SLC36A4: variants seen among roughly 807,000 people sequenced by gnomAD.
The protein encoded by SLC36A4 is neutral amino acid uniporter 4.
In SLC36A4, 49 loss-of-function variants were observed where a neutral mutation model predicts 50.5. The observed-to-expected ratio is 0.97, with a 90% CI of 0.77 to 1.23. SLC36A4 has a LOEUF of 1.23. Among genes scored for constraint, SLC36A4 ranks in the 50% most tolerant of loss-of-function variants. SLC36A4 has a pLI of 0.00. For synonymous variants in SLC36A4, 207 were observed against 206.5 expected (o/e 1.00, Z -0.02); for missense variants, 611 against 608.4 (o/e 1.00, Z -0.05).
chr11:93,188,935 T>G (rs1251518732), intron 1 of SLC36A4, among the ~76,000 whole-genome samples: 2 of 152,126 alleles, frequency 1.3e-5, no homozygotes, highest in African/African-American at 4.8e-5. Context: ...CTCTCCTTGG[T>G]TTATGGACAG....
chr11:93,180,796 C>T lies in SLC36A4; in HGVS notation c.540+1G>A, dbSNP rs762713553. On this transcript the variant is annotated splice_donor_variant, in intron 6 of 10. Coordinates refer to ENST00000326402, the MANE Select transcript of SLC36A4 (RefSeq NM_152313.4). LOFTEE classifies it high-confidence loss of function. Reference sequence around the variant, plus strand: ...TTCACTAACTGGAGAAAAATACTCACTTGTTTCACATTTTCAGCTAAGAAG... The same window carrying T: ...TTCACTAACTGGAGAAAAATACTCATTTGTTTCACATTTTCAGCTAAGAAG... 4.2e-5 allele frequency: 68 copies of T among 1,606,744 alleles called. No individual in the cohort carries two copies. Among genetic ancestry groups the T allele is most frequent in the Non-Finnish European group, 5.5e-5 (64 of 1,174,148 alleles).
chr11:93,160,055 A>G, intron 9 of SLC36A4: 1 of 985,384 alleles, frequency 1.0e-6, no homozygotes, highest in Non-Finnish European at 1.2e-6. Flanking sequence ...AGACTCGTAT[A>G]TAGTATATTA....
chr11:93,158,940 TC>T (rs1221868696), intron 9 of SLC36A4, among the ~76,000 whole-genome samples: 1 of 152,094 alleles, frequency 6.6e-6, no homozygotes, highest in Non-Finnish European at 1.5e-5. Context: ...CATTAAAAGG[TC>T]TTTTAAAACT....
chr11:93,162,117 G>A (rs1364283643), intron 9 of SLC36A4, among the ~76,000 whole-genome samples: 1 of 152,100 alleles, frequency 6.6e-6, no homozygotes, highest in African/African-American at 2.4e-5. Flanking sequence ...ATAAGGACAA[G>A]TATTAATTTT....
intron 1 of SLC36A4, 59 bp from the exon 2 acceptor site, chr11:93,185,873 T>C: frequency 2.1e-6 from 3 of 1,445,986 alleles, no homozygotes; most frequent in Admixed American, 2.5e-5. Flanking sequence ...ATAAAGCTGG[T>C]ATAAATGAAT....
At chr11:93,176,183 A>T (rs1590965617) in intron 6 of SLC36A4, among the ~76,000 whole-genome samples, 1 of 152,136 alleles carries the variant, frequency 6.6e-6, no homozygotes, top group African/African-American at 2.4e-5. Context: ...TGTTGAATTG[A>T]TCCATTTACC....
chr11:93,145,556 G>C lies in SLC36A4; in HGVS notation c.*2981C>G, dbSNP rs1352245626. ...ACTCTGATACTGATGAAACTCTTGG[G>C]TGTAAGGGAACAGTGATTAACTGAC... On this transcript the variant is annotated 3_prime_UTR_variant, in exon 11 of 11. Transcript: ENST00000326402. 3 of 152,102 alleles carry C rather than the reference G, an allele frequency of 2.0e-5. No individual in the cohort carries two copies. Among genetic ancestry groups the C allele is most frequent in the African/African-American group, 7.2e-5 (3 of 41,444 alleles). 9.4% of individuals were successfully genotyped at this position (152,102 alleles called of 1,614,324 possible). A position where few individuals can be genotyped will look rare whatever the true frequency, so the allele number is the denominator to read the frequency against.
chr11:93,185,907 T>C (rs1861965947), intron 1 of SLC36A4, 93 bp from the exon 2 acceptor site: 3 of 1,124,522 alleles, frequency 2.7e-6, no homozygotes, highest in Admixed American at 3.0e-5. Context: ...GAAACACCAT[T>C]TGTACTCATC....
chr11:93,181,196 G>C (rs1861718869), intron 5 of SLC36A4, among the ~76,000 whole-genome samples: 1 of 151,836 alleles, frequency 6.6e-6, no homozygotes, highest in Non-Finnish European at 1.5e-5. Context: ...ATCTTACTTT[G>C]ATTTGCCAGA....
In SLC36A4 at chr11:93,197,816, G is replaced by A; in HGVS notation, c.17C>T (p.Thr6Met). 1 of 1,578,780 alleles carries A rather than the reference G, an allele frequency of 6.3e-7. No individual in the cohort carries two copies. The highest frequency in any genetic ancestry group is 1.8e-4 in the Middle Eastern group (1 of 5,632). The change falls in exon 1 of 11, where the codon ACG (threonine) becomes ATG (methionine). Residue 6 changes from threonine to methionine, a missense_variant. Coordinates refer to ENST00000326402, the MANE Select transcript of SLC36A4 (RefSeq NM_152313.4). The stretch of plus-strand genomic sequence containing the variant: ...CCTCGCCGCCCCGGCAGCCGCCGGC[G>A]TCGCCGCCGCTTCCATCTCTCGCGG... Reference protein sequence around the residue: MEAAATPAAAGAARRE... With the variant: MEAAAMPAAAGAARRE...
At chr11:93,149,922 T>C (rs1860001271) in intron 10 of SLC36A4, among the ~76,000 whole-genome samples, 1 of 145,050 alleles carries the variant, frequency 6.9e-6, no homozygotes, top group South Asian at 2.1e-4. Context: ...TTATGGTAAC[T>C]ACTTTCTTTT....
rs1476696731 is a variant in SLC36A4, at chr11:93,182,911, T to A, written c.271-17A>T. On this transcript the variant is annotated splice_polypyrimidine_tract_variant and intron_variant, in intron 3 of 10. Transcript: ENST00000326402. ...TGGTCCAAGCTGTGGGGAAAAAAAATTTATAAGGTTTAAATATTTAACAGA... is the reference window on the plus strand; with the variant it reads ...TGGTCCAAGCTGTGGGGAAAAAAAAATTATAAGGTTTAAATATTTAACAGA... The A allele has an allele frequency of 1.2e-5, 18 of 1,553,288 alleles. No individual in the cohort carries two copies. The highest frequency in any genetic ancestry group is 1.2e-5 in the Non-Finnish European group (14 of 1,133,454).
At chr11:93,189,232 T>C (rs1862114967) in intron 1 of SLC36A4, among the ~76,000 whole-genome samples, 1 of 151,720 alleles carries the variant, frequency 6.6e-6, no homozygotes, top group Admixed American at 6.6e-5. Context: ...CCCAGCTAAT[T>C]TTTGTATTTT....
chr11:93,159,988 G>T, intron 9 of SLC36A4: 1 of 985,384 alleles, frequency 1.0e-6, no homozygotes, highest in Non-Finnish European at 1.2e-6. Flanking sequence ...AGAGTACACT[G>T]CACAATCTCT....
At chr11:93,188,181 C>A (rs1234008432) in intron 1 of SLC36A4, among the ~76,000 whole-genome samples, 1 of 152,124 alleles carries the variant, frequency 6.6e-6, no homozygotes, top group African/African-American at 2.4e-5. Context: ...CCTCGCAATG[C>A]TAAAAGAGTA....
chr11:93,193,340 A>G (rs1179349941), intron 1 of SLC36A4, among the ~76,000 whole-genome samples: 1 of 152,172 alleles, frequency 6.6e-6, no homozygotes, highest in Non-Finnish European at 1.5e-5. Flanking sequence ...ATTAAAGATT[A>G]TAGAACCCAA....
intron 9 of SLC36A4, among the ~76,000 whole-genome samples, chr11:93,157,895 T>C (rs892710133): frequency 1.3e-5 from 2 of 152,208 alleles, no homozygotes; most frequent in African/African-American, 4.8e-5. Context: ...TGGCCAGGAC[T>C]TCCAATACTA....
chr11:93,183,627 A>T (rs1861840006), intron 3 of SLC36A4, among the ~76,000 whole-genome samples: 1 of 152,096 alleles, frequency 6.6e-6, no homozygotes, highest in South Asian at 2.1e-4. Flanking sequence ...TAATAATTAC[A>T]ATAACTGCCT....
At chr11:93,169,681 C>T (rs1359094134) in intron 6 of SLC36A4, among the ~76,000 whole-genome samples, 1 of 152,060 alleles carries the variant, frequency 6.6e-6, no homozygotes, top group African/African-American at 2.4e-5. Flanking sequence ...TCTCAAGTTG[C>T]ACCATTTAAG....
Sources: allele counts gnomAD v4.1 joint callset (sites outside exome capture counted in the v4.1 genomes callset), GRCh38; gene constraint gnomAD v4.1.1; transcripts MANE v1.5; gene names NCBI Gene and HGNC (gene_info 2026-07-23, HGNC 2026-07-21).